Variants in FBXO36 observed in about 807,000 individuals in gnomAD.
FBXO36 encodes the protein F-box only protein 36.
In FBXO36, 18 loss-of-function variants were observed where a neutral mutation model predicts 17.0. The ratio of observed to expected loss-of-function variants is 1.06; its 90% CI spans 0.73 to 1.57. The LOEUF is 1.57. FBXO36 is among the 40% of genes most tolerant of loss of function. FBXO36 has a pLI of 0.00. For missense variants in FBXO36, 229 were observed against 221.9 expected, an observed-to-expected ratio of 1.03 and a Z score of -0.20; for synonymous variants, 83 against 85.3, an observed-to-expected ratio of 0.97 and a Z score of 0.15.
intron 2 of FBXO36, among the ~76,000 whole-genome samples, chr2:229,982,303 T>C (rs1158797705): frequency 6.6e-6 from 1 of 152,010 alleles, no homozygotes; most frequent in Non-Finnish European, 1.5e-5. Flanking sequence ...TGGGATTACA[T>C]GCGTGGGCCA....
At chr2:229,969,217 T>G (rs578077391) in intron 1 of FBXO36, among the ~76,000 whole-genome samples, 1 of 148,352 alleles carries the variant, frequency 6.7e-6, no homozygotes, top group East Asian at 2.0e-4. Flanking sequence ...AACAAAGTTG[T>G]TTTTTTTTTC....
chr2:229,953,425 C>G (rs1418137103), intron 1 of FBXO36, among the ~76,000 whole-genome samples: 2 of 151,832 alleles, frequency 1.3e-5, no homozygotes, highest in African/African-American at 4.8e-5. Flanking sequence ...CCTGTAATCT[C>G]AGAACCTTGG....
At chr2:229,995,592 C>CTTTTTTTTTTTTTTTTTT (rs748422157) in intron 2 of FBXO36, among the ~76,000 whole-genome samples, 10 of 114,548 alleles carry the variant, frequency 8.7e-5, no homozygotes, top group Non-Finnish European at 1.1e-4. Context: ...CTCTTTCTTT[C>CTTTTTTTTTTTTTTTTTT]TTTCTTTTTT....
intron 1 of FBXO36, among the ~76,000 whole-genome samples, chr2:229,963,645 C>T (rs1425634190): frequency 6.6e-6 from 1 of 151,842 alleles, no homozygotes; most frequent in Non-Finnish European, 1.5e-5. Flanking sequence ...GCGGTTTCAC[C>T]GTGTTAACCA....
intron 1 of FBXO36, among the ~76,000 whole-genome samples, chr2:229,965,692 A>G (rs1319884961): frequency 1.3e-5 from 2 of 152,280 alleles, no homozygotes; most frequent in Non-Finnish European, 2.9e-5. Flanking sequence ...ATGTCCCTAC[A>G]AAGGACATGG....
intron 3 of FBXO36, among the ~76,000 whole-genome samples, chr2:230,004,496 C>G (rs1313091471): frequency 6.6e-6 from 1 of 152,190 alleles, no homozygotes; most frequent in Non-Finnish European, 1.5e-5. Context: ...AGTCCTGACC[C>G]TCATTCCTCT....
At chr2:229,949,477 A>G (rs1419404314) in intron 1 of FBXO36, among the ~76,000 whole-genome samples, 2 of 152,212 alleles carry the variant, frequency 1.3e-5, no homozygotes, top group South Asian at 2.1e-4. Context: ...CTGTGACACT[A>G]AAGTATAAGA....
intron 1 of FBXO36, among the ~76,000 whole-genome samples, chr2:229,929,081 G>C (rs969346073): frequency 6.6e-6 from 1 of 150,774 alleles, no homozygotes; most frequent in Non-Finnish European, 1.5e-5. Context: ...CTAAAGGCAT[G>C]TACCACCCCG....
rs71049610 is a variant in FBXO36 at position 229,995,561 on chromosome 2, C to CCTTTCTTT, written c.206-1175_206-1168dup. ...TTATATTTTTTCTCTTTCTTTCCTT[C>CCTTTCTTT]CTTTCTTTCTTTCTTTCTTTCTCTT... On this transcript the variant is annotated intron_variant, in intron 2 of 3. Coordinates refer to ENST00000283946, the MANE Select transcript of FBXO36 (RefSeq NM_174899.5). Among the ~76,000 whole-genome samples the CCTTTCTTT allele has an allele frequency of 4.8e-4, 67 of 140,050 alleles. 1 individual carries two copies. The highest frequency in any genetic ancestry group is 2.1e-3 in the Admixed American group (27 of 13,128). The allele number at this position is 140,050 out of a possible 152,430, so 91.9% of individuals were successfully genotyped here.
chr2:229,961,444 C>T (rs773267174), intron 1 of FBXO36, among the ~76,000 whole-genome samples: 1 of 152,002 alleles, frequency 6.6e-6, no homozygotes, highest in Non-Finnish European at 1.5e-5. Flanking sequence ...GGTGCGATCT[C>T]GGCTCACTGC....
At chr2:230,000,859 T>C (rs1467082920) in intron 3 of FBXO36, among the ~76,000 whole-genome samples, 3 of 90,742 alleles carry the variant, frequency 3.3e-5, no homozygotes, top group Non-Finnish European at 7.5e-5. Context: ...TTCTTTTTTT[T>C]TTTTTTTTTT....
chr2:229,994,440 A>G (rs1172023430), intron 2 of FBXO36, among the ~76,000 whole-genome samples: 2 of 152,214 alleles, frequency 1.3e-5, no homozygotes, highest in African/African-American at 2.4e-5. Context: ...GAAATCTTAT[A>G]TAGCTACTCT....
At chr2:229,928,740 C>T (rs913610572) in intron 1 of FBXO36, among the ~76,000 whole-genome samples, 5 of 152,020 alleles carry the variant, frequency 3.3e-5, no homozygotes, top group African/African-American at 1.2e-4. Flanking sequence ...ATTTTCCTTG[C>T]AAAATTTTAA....
chr2:229,980,591 C>T (rs964606796), intron 2 of FBXO36, among the ~76,000 whole-genome samples: 9 of 151,828 alleles, frequency 5.9e-5, no homozygotes, highest in Non-Finnish European at 1.3e-4. Flanking sequence ...CAAGCCCTGC[C>T]CTTGATAAGA....
chr2:230,005,076 G>A (rs928761460), intron 3 of FBXO36, among the ~76,000 whole-genome samples: 4 of 152,014 alleles, frequency 2.6e-5, no homozygotes, highest in African/African-American at 4.8e-5. Context: ...GGATATCAGC[G>A]CATGGACAGA....
chr2:229,934,963 G>A (rs2076956691), intron 1 of FBXO36, among the ~76,000 whole-genome samples: 2 of 152,172 alleles, frequency 1.3e-5, no homozygotes, highest in African/African-American at 4.8e-5. Context: ...AAATAAATGT[G>A]CTGCTGAGTT....
chr2:229,950,640 T>A (rs150143442), intron 1 of FBXO36, among the ~76,000 whole-genome samples: 1 of 152,112 alleles, frequency 6.6e-6, no homozygotes, highest in Non-Finnish European at 1.5e-5. Context: ...CAGAACGGAA[T>A]GAGAGCTCCC....
intron 2 of FBXO36, among the ~76,000 whole-genome samples, chr2:229,978,471 T>G (rs1051873961): frequency 7.4e-5 from 11 of 149,244 alleles, no homozygotes; most frequent in Admixed American, 7.3e-4. Flanking sequence ...CCCGTAATCC[T>G]AGCCACTCAG....
chr2:230,005,206 A>G (rs1347784210), intron 3 of FBXO36, among the ~76,000 whole-genome samples: 3 of 152,122 alleles, frequency 2.0e-5, no homozygotes, highest in South Asian at 2.1e-4. Flanking sequence ...GGCTCAAGCA[A>G]TCCTCCCACC....
Sources: allele counts gnomAD v4.1 joint callset (sites outside exome capture counted in the v4.1 genomes callset), GRCh38; gene constraint gnomAD v4.1.1; transcripts MANE v1.5; gene names NCBI Gene and HGNC (gene_info 2026-07-23, HGNC 2026-07-21).